GPR108: variants seen among roughly 807,000 people sequenced by gnomAD.
GPR108 encodes G protein-coupled receptor 108.
In GPR108, 60 loss-of-function variants were observed where a neutral mutation model predicts 74.3. That is an observed-to-expected ratio of 0.81 (90% confidence interval 0.66 to 1.00). The LOEUF (loss-of-function observed/expected upper bound fraction) is 1.00, where lower values mean the gene tolerates loss of function less well. GPR108 is among the 50% of genes least tolerant of loss of function. The pLI, the probability that GPR108 is intolerant of heterozygous loss-of-function variation, is 0.00. For synonymous variants in GPR108, 311 were observed against 292.4 expected, an observed-to-expected ratio of 1.06 and a Z score of -0.65; for missense variants, 667 against 703.3, an observed-to-expected ratio of 0.95 and a Z score of 0.58.
chr19:6,734,029 G>C lies in GPR108; in HGVS notation c.525C>G (p.Pro175=), dbSNP rs1029863739. ...CCTGAATCACTGCGGGTGTTGACTT[G>C]GGCTTGCTGGCTGCAGAGGTCCCTC... ...DGGGTSAASK[P]KSTPAVIQGP... The change falls in exon 6 of 18, where the codon CCC becomes CCG. Residue 175 remains proline (P), a synonymous_variant. Transcript: ENST00000264080. The C allele has an allele frequency of 1.2e-6, 2 of 1,614,076 alleles. No homozygotes were observed. Among genetic ancestry groups the C allele is most frequent in the African/African-American group, 2.7e-5 (2 of 74,914 alleles).
chr19:6,730,539 C>A, intron 17 of GPR108, 155 bp from the exon 18 acceptor site: 1 of 658,928 alleles, frequency 1.5e-6, no homozygotes. Flanking sequence ...GCACCCACCT[C>A]GCTCCCACAG....
chr19:6,730,827 C>G (rs1351383065), intron 17 of GPR108, among the ~76,000 whole-genome samples, 160 bp downstream of exon 17: 1 of 150,966 alleles, frequency 6.6e-6, no homozygotes, highest in Non-Finnish European at 1.5e-5. Flanking sequence ...GCCCTGGCTG[C>G]CCCCCATCTC....
chr19:6,736,298 T>G (rs1968629945), intron 2 of GPR108, among the ~76,000 whole-genome samples: 1 of 152,230 alleles, frequency 6.6e-6, no homozygotes, highest in African/African-American at 2.4e-5. Flanking sequence ...GTTCTCACTA[T>G]GTTGCCCAGG....
intron 16 of GPR108, 21 bp from the exon 17 acceptor site, chr19:6,731,132 G>C (rs1371204359): frequency 1.2e-6 from 2 of 1,611,954 alleles, no homozygotes; most frequent in Non-Finnish European, 1.7e-6. Flanking sequence ...GGGCGGAGTG[G>C]GGGCGTCAGG....
chr19:6,737,408 G>A (rs760519956), intron 1 of GPR108, 49 bp downstream of exon 1: 4 of 1,565,834 alleles, frequency 2.6e-6, no homozygotes, highest in Middle Eastern at 1.9e-4. Context: ...GGGCTTCTCC[G>A]AGACAAAGTT....
chr19:6,734,116 A>T, intron 5 of GPR108, 62 bp from the exon 6 acceptor site: 2 of 1,614,112 alleles, frequency 1.2e-6, no homozygotes, highest in Non-Finnish European at 1.7e-6. Context: ...CAGTGGGAAA[A>T]CGGCATGGGG....
At chr19:6,732,932 G>T in intron 10 of GPR108, 55 bp downstream of exon 10, 1 of 1,472,142 alleles carries the variant, frequency 6.8e-7, no homozygotes, top group Non-Finnish European at 9.2e-7. Flanking sequence ...TTGGGGGATG[G>T]CCCGGGTGGG....
At position 6,733,618 on chromosome 19, in the gene GPR108, G is replaced by A. The variant is rs769386578; in HGVS notation, c.675C>T (p.His225=). The stretch of plus-strand genomic sequence containing the variant: ...TTCCTGGCACTGAATTGTTGCAGTT[G>A]TGGAAGTTCAGGCTGTACTGGCCTT... ...AEEGQYSLNF[H]NCNNSVPGKE... Residue 225 remains histidine, a synonymous_variant, in exon 8 of 18, where the codon CAC becomes CAT. Transcript: ENST00000264080. The A allele has an allele frequency of 1.9e-6, 3 of 1,614,208 alleles. No individual in the cohort carries two copies. Among genetic ancestry groups the A allele is most frequent in the Admixed American group, 3.3e-5 (2 of 60,036 alleles).
chr19:6,731,380 G>A, intron 15 of GPR108, 93 bp downstream of exon 15: 1 of 1,480,302 alleles, frequency 6.8e-7, no homozygotes. Context: ...CTGGATGGGG[G>A]CCTCGGGATG....
intron 4 of GPR108, 200 bp downstream of exon 4, chr19:6,735,421 GT>G (rs1489950388): frequency 8.8e-6 from 5 of 569,428 alleles, no homozygotes; most frequent in Non-Finnish European, 1.6e-5. Flanking sequence ...CTGTATCCGG[GT>G]CTTCTGCCCT....
rs772382262 is a variant in GPR108 at position 6,735,985 on chromosome 19, G to A, written c.241-27C>T. On this transcript the variant is annotated intron_variant, in intron 2 of 17. Coordinates refer to ENST00000264080, the MANE Select transcript of GPR108 (RefSeq NM_001080452.2). ...TGGTGGGTGGAAAAAAAAAGGGGAG[G>A]GTGTGAGGGACAGTAGAGACCTCCC... 7 of 1,593,316 alleles carry A rather than the reference G, an allele frequency of 4.4e-6. No individual in the cohort carries two copies. The East Asian group carries it at 1.4e-4, about 31-fold the overall frequency.
chr19:6,737,269 C>G, intron 1 of GPR108, 188 bp downstream of exon 1: 3 of 727,764 alleles, frequency 4.1e-6, no homozygotes, highest in Non-Finnish European at 6.3e-6. Context: ...GAGGCGGACC[C>G]GGCAACTCCA....
rs373726140 is a variant in GPR108, at chr19:6,730,972, T to C, written c.1559+15A>G. On this transcript the variant is annotated intron_variant, in intron 17 of 17. Transcript: ENST00000264080. ...CCCCCAGAGCCGCCGGCCCTGCCCA[T>C]GGTGCCCAGCTCACACTTGCTCCAT... 6.7e-6 allele frequency: 9 copies of C among 1,336,654 alleles called. No individual in the cohort carries two copies. Among genetic ancestry groups the C allele is most frequent in the East Asian group, 4.7e-5 (1 of 21,118 alleles). The allele number at this position is 1,336,654 out of a possible 1,614,324, so 82.8% of individuals were successfully genotyped here.
At position 6,730,968 on chromosome 19, in the gene GPR108, C is replaced by T. The variant is rs573762635; in HGVS notation, c.1559+19G>A. On this transcript the variant is annotated intron_variant, in intron 17 of 17. Coordinates refer to ENST00000264080, the MANE Select transcript of GPR108 (RefSeq NM_001080452.2). The stretch of plus-strand genomic sequence containing the variant: ...TCCACCCCCAGAGCCGCCGGCCCTG[C>T]CCATGGTGCCCAGCTCACACTTGCT... 1 of 1,608,782 alleles carries T rather than the reference C, an allele frequency of 6.2e-7. No individual in the cohort carries two copies. The highest frequency in any genetic ancestry group is 8.5e-7 in the Non-Finnish European group (1 of 1,177,462).
At position 6,730,100 on chromosome 19, in the gene GPR108, G is replaced by T; in HGVS notation, c.*212C>A. 1 of 588,734 alleles carries T rather than the reference G, an allele frequency of 1.7e-6. No individual in the cohort carries two copies. The highest frequency in any genetic ancestry group is 3.1e-6 in the Non-Finnish European group (1 of 325,098). The allele number at this position is 588,734 out of a possible 1,614,324, so 36.5% of individuals were successfully genotyped here. A position where few individuals can be genotyped will look rare whatever the true frequency, so the allele number is the denominator to read the frequency against. ...TATTGTACACATAGCTGGAAGGGAG[G>T]GGTGGTCCCGGGGTAAGGACAGGGC... is the stretch of plus-strand genomic sequence containing the variant. On this transcript the variant is annotated 3_prime_UTR_variant, in exon 18 of 18. Transcript: ENST00000264080.
At chr19:6,733,939 G>C in intron 6 of GPR108, 26 bp from the exon 7 acceptor site, 1 of 1,614,096 alleles carries the variant, frequency 6.2e-7, no homozygotes, top group Non-Finnish European at 8.5e-7. Context: ...CCCTCCATCA[G>C]CTGGTTCTGG....
In GPR108 at chr19:6,732,105, G is replaced by A. The variant is rs776819335; in HGVS notation, c.1176C>T (p.Ala392=). 9.3e-6 allele frequency: 15 copies of A among 1,613,980 alleles called. No homozygotes were observed. The highest frequency in any genetic ancestry group is 1.3e-5 in the Non-Finnish European group (15 of 1,180,016). The part of the protein sequence containing the change: ...YIIIESREEG[A]SDYVLWKEIL... Reference sequence around the variant, plus strand: ...TCTCCTTCCACAGCACGTAGTCGCTGGCGCCTTCCTCGCGGGACTCGATGA... The same window carrying A: ...TCTCCTTCCACAGCACGTAGTCGCTAGCGCCTTCCTCGCGGGACTCGATGA... The change falls in exon 13 of 18, where the codon GCC becomes GCT. Residue 392 remains alanine (A), a synonymous_variant. Coordinates refer to ENST00000264080, the MANE Select transcript of GPR108 (RefSeq NM_001080452.2).
intron 4 of GPR108, 159 bp downstream of exon 4, chr19:6,735,463 C>T: frequency 3.1e-6 from 2 of 650,218 alleles, no homozygotes; most frequent in South Asian, 3.7e-5. Flanking sequence ...GTCCCTCTCT[C>T]CTTCCTTCCA....
In GPR108 at chr19:6,733,639, G is replaced by A. The variant is rs767659318; in HGVS notation, c.654C>T (p.Gly218=). ...HVVIGSQAEE[G]QYSLNFHNCN... ...AGTTGTGGAAGTTCAGGCTGTACTG[G>A]CCTTCTTCCGCCTGAGAGCCGATCA... Residue 218 remains glycine, a synonymous_variant, in exon 8 of 18, where the codon GGC becomes GGT. Coordinates refer to ENST00000264080, the MANE Select transcript of GPR108 (RefSeq NM_001080452.2). 3 of 1,614,144 alleles carry A rather than the reference G, an allele frequency of 1.9e-6. No homozygotes were observed. The highest frequency in any genetic ancestry group is 2.5e-6 in the Non-Finnish European group (3 of 1,180,004).
Sources: gnomAD v4.1 joint callset for allele counts (sites outside exome capture counted in the v4.1 genomes callset) on GRCh38, gnomAD v4.1.1 for gene constraint, MANE v1.5 for transcripts, NCBI Gene and HGNC (gene_info 2026-07-23, HGNC 2026-07-21) for gene names.